The following STK31 variants were observed in gnomAD, a reference collection of about 807,000 sequenced individuals.
The protein encoded by STK31 is serine/threonine-protein kinase 31.
STK31 carries 89 observed loss-of-function variants against 129.7 expected under a neutral mutation model. The ratio of observed to expected loss-of-function variants is 0.69; its 90% CI spans 0.58 to 0.82. The LOEUF (loss-of-function observed/expected upper bound fraction) is 0.82. Ranked by LOEUF, STK31 falls within the 40% of genes least tolerant of loss-of-function variation. The pLI, the probability that STK31 is intolerant of heterozygous loss-of-function variation, is 0.00. For missense variants in STK31, 1,187 were observed against 1,176.4 expected (o/e 1.01, Z -0.13); for synonymous variants, 448 against 395.3 (o/e 1.13, Z -1.58).
At chr7:23,769,206 A>G (rs746277539) in intron 12 of STK31, 32 bp downstream of exon 12, 6 of 1,496,228 alleles carry the variant, frequency 4.0e-6, no homozygotes, top group Admixed American at 2.4e-5. Flanking sequence ...TTGTGTTTGT[A>G]GCATAAACCA....
At chr7:23,767,225 T>A (rs945003627) in intron 11 of STK31, among the ~76,000 whole-genome samples, 1 of 152,198 alleles carries the variant, frequency 6.6e-6, no homozygotes, top group Non-Finnish European at 1.5e-5. Context: ...TTTTTATACT[T>A]CTTTCAGAGT....
chr7:23,826,486 G>A (rs1455371408), intron 23 of STK31, among the ~76,000 whole-genome samples: 3 of 152,196 alleles, frequency 2.0e-5, no homozygotes, highest in Admixed American at 6.5e-5. Flanking sequence ...TTGAGCCTAT[G>A]TGTGTCTCTG....
At chr7:23,798,516 T>G (rs13242020) in intron 22 of STK31, among the ~76,000 whole-genome samples, 4 of 130,302 alleles carry the variant, frequency 3.1e-5, no homozygotes, top group Non-Finnish European at 6.7e-5. Flanking sequence ...ATTACCTCAA[T>G]AGATGCAAGA....
intron 11 of STK31, among the ~76,000 whole-genome samples, chr7:23,763,696 T>C (rs10268973): frequency 0.48 from 72,555 of 151,946 alleles, 17,653 homozygotes; most frequent in Admixed American, 0.55. Context: ...TGATCTCTCT[T>C]TTAGTTCTCA....
intron 15 of STK31, among the ~76,000 whole-genome samples, chr7:23,772,793 C>T (rs1790283745): frequency 1.3e-5 from 2 of 152,134 alleles, no homozygotes; most frequent in African/African-American, 4.8e-5. Flanking sequence ...CTAACTTCTT[C>T]CTTTAGGCTT....
chr7:23,721,948 C>T (rs879594617), intron 4 of STK31, among the ~76,000 whole-genome samples: 3 of 152,172 alleles, frequency 2.0e-5, no homozygotes, highest in African/African-American at 4.8e-5. Context: ...GACTTCTCTA[C>T]ACTGTTTATT....
rs530397211 is a variant in STK31, at chr7:23,785,872, A to G, written c.2274+269A>G. Among the ~76,000 whole-genome samples, 4 of 152,230 alleles carry G rather than the reference A, an allele frequency of 2.6e-5. No individual in the cohort carries two copies. In the East Asian group the frequency reaches 7.7e-4, roughly 29 times the overall value. ...GGTGGGGGGCAGGGGGAGGGATAGCATTAGGAGAAATACCTAATGTAAATG... is the reference window on the plus strand; with the variant it reads ...GGTGGGGGGCAGGGGGAGGGATAGCGTTAGGAGAAATACCTAATGTAAATG... On this transcript the variant is annotated intron_variant, in intron 18 of 23. Transcript: ENST00000355870.
intron 8 of STK31, among the ~76,000 whole-genome samples, chr7:23,741,468 A>AT (rs1383963661): frequency 6.6e-6 from 1 of 152,210 alleles, no homozygotes; most frequent in Non-Finnish European, 1.5e-5. Flanking sequence ...TGACGTATGT[A>AT]TACTCTCATG....
intron 6 of STK31, among the ~76,000 whole-genome samples, chr7:23,730,376 C>T (rs1787330961): frequency 6.6e-6 from 1 of 152,072 alleles, no homozygotes; most frequent in African/African-American, 2.4e-5. Context: ...TTATAAAAAA[C>T]ATTTCTGTAC....
intron 4 of STK31, among the ~76,000 whole-genome samples, chr7:23,720,347 T>C (rs1786617154): frequency 2.0e-5 from 3 of 152,098 alleles, no homozygotes; most frequent in African/African-American, 7.2e-5. Flanking sequence ...AATACTCAGA[T>C]AAGTTGGAAG....
At chr7:23,789,534 A>G (rs1226109026) in intron 21 of STK31, among the ~76,000 whole-genome samples, 1 of 152,128 alleles carries the variant, frequency 6.6e-6, no homozygotes, top group Non-Finnish European at 1.5e-5. Context: ...TGGAGTATAT[A>G]TAGTCTTAAT....
intron 22 of STK31, among the ~76,000 whole-genome samples, chr7:23,808,135 C>T (rs1209813290): frequency 7.1e-6 from 1 of 140,658 alleles, no homozygotes; most frequent in East Asian, 2.0e-4. Flanking sequence ...TGTTGTGAGA[C>T]TATGAATCCT....
intron 23 of STK31, among the ~76,000 whole-genome samples, chr7:23,826,349 G>A (rs1269150407): frequency 6.6e-6 from 1 of 152,062 alleles, no homozygotes; most frequent in Non-Finnish European, 1.5e-5. Flanking sequence ...TTAACATTAT[G>A]TAATGGCCTT....
chr7:23,794,030 C>G (rs1791801603), intron 22 of STK31, among the ~76,000 whole-genome samples: 1 of 152,170 alleles, frequency 6.6e-6, no homozygotes, highest in Admixed American at 6.5e-5. Context: ...TGTGTCTATC[C>G]ATTGGAATAC....
At chr7:23,789,075 A>G (rs986416870) in intron 21 of STK31, among the ~76,000 whole-genome samples, 5 of 152,170 alleles carry the variant, frequency 3.3e-5, no homozygotes, top group African/African-American at 1.2e-4. Flanking sequence ...CTTTTATGCT[A>G]ATTTCACTTA....
At chr7:23,748,613 C>T (rs1247885168) in intron 8 of STK31, among the ~76,000 whole-genome samples, 1 of 152,186 alleles carries the variant, frequency 6.6e-6, no homozygotes, top group African/African-American at 2.4e-5. Context: ...CCTCAGCCTG[C>T]TCAATGTGAA....
chr7:23,823,869 G>T (rs141566393), intron 23 of STK31, among the ~76,000 whole-genome samples: 16,963 of 152,168 alleles, frequency 0.11, 1,159 homozygotes, highest in Middle Eastern at 0.16. Flanking sequence ...TTTCCCCATT[G>T]CTTGTTTTTG....
chr7:23,745,826 C>T (rs969399046), intron 8 of STK31, among the ~76,000 whole-genome samples: 1 of 152,128 alleles, frequency 6.6e-6, no homozygotes, highest in Non-Finnish European at 1.5e-5. Flanking sequence ...CGTGAAAATG[C>T]ATGGTTGCCC....
chr7:23,711,500 A>G (rs1202309922), intron 1 of STK31, among the ~76,000 whole-genome samples: 4 of 151,922 alleles, frequency 2.6e-5, no homozygotes, highest in African/African-American at 9.7e-5. Context: ...AAAGTGCAGT[A>G]TTTTAGTATA....
Sources: allele counts gnomAD v4.1 joint callset (sites outside exome capture counted in the v4.1 genomes callset), GRCh38; gene constraint gnomAD v4.1.1; transcripts MANE v1.5; gene names NCBI Gene and HGNC (gene_info 2026-07-23, HGNC 2026-07-21).